AHI1: variants seen among roughly 807,000 people sequenced by gnomAD.
The protein encoded by AHI1 is Abelson helper integration site 1, also known as jouberin.
In AHI1, 123 loss-of-function variants were observed where a neutral mutation model predicts 149.3. That is an observed-to-expected ratio of 0.82 (90% CI 0.71 to 0.96). AHI1 has a LOEUF of 0.96. Among genes scored for constraint, AHI1 ranks in the 40% least tolerant of loss-of-function variants. The pLI, the probability that AHI1 is intolerant of heterozygous loss-of-function variation, is 0.00. For missense variants in AHI1, 1,439 were observed against 1,422.7 expected, an observed-to-expected ratio of 1.01 and a Z score of -0.18; for synonymous variants, 475 against 459.8, an observed-to-expected ratio of 1.03 and a Z score of -0.42.
intron 24 of AHI1, among the ~76,000 whole-genome samples, chr6:135,343,416 C>T (rs902132888): frequency 6.6e-6 from 1 of 151,692 alleles, no homozygotes; most frequent in Non-Finnish European, 1.5e-5. Flanking sequence ...TATGGAAATG[C>T]AAGGGATCTA....
chr6:135,350,857 C>T (rs897938393), intron 24 of AHI1, among the ~76,000 whole-genome samples: 2 of 152,056 alleles, frequency 1.3e-5, no homozygotes, highest in African/African-American at 4.8e-5. Context: ...GCAGATCATG[C>T]AAAGCCCTAT....
intron 6 of AHI1, among the ~76,000 whole-genome samples, chr6:135,466,661 T>C (rs1253387956): frequency 1.3e-5 from 2 of 152,130 alleles, no homozygotes; most frequent in Non-Finnish European, 2.9e-5. Context: ...AAATCTCAAA[T>C]GCTATTTTCC....
At chr6:135,384,198 T>C (rs752592890) in intron 23 of AHI1, among the ~76,000 whole-genome samples, 3 of 152,214 alleles carry the variant, frequency 2.0e-5, no homozygotes, top group Non-Finnish European at 4.4e-5. Flanking sequence ...GGTTTAGTTC[T>C]AAGAACATAG....
rs541390652 is a variant in AHI1 at position 135,472,018 on chromosome 6, CAAAAAAAAAAAAA to C, written c.136-4397_136-4385del. 2.9e-4 allele frequency among the ~76,000 whole-genome samples: 16 copies of C among 54,424 alleles called. No homozygotes were observed. In the South Asian group the frequency reaches 4.4e-3, roughly 15 times the overall value. The allele number at this position is 54,424 out of a possible 152,430, so 35.7% of individuals were successfully genotyped here. A position where few individuals can be genotyped will look rare whatever the true frequency, so the allele number is the denominator to read the frequency against. On this transcript the variant is annotated intron_variant, in intron 5 of 28. Transcript: ENST00000265602. ...TGGGCGACAGAGCGAGACTCCGTCT[CAAAAAAAAAAAAA>C]AAAAAAAAAAAAAAAAAAGATATAG...
At position 135,292,920 on chromosome 6, in the gene AHI1, C is replaced by T. The variant is rs542779761; in HGVS notation, c.3486-2395G>A. Among the ~76,000 whole-genome samples, 8 of 152,210 alleles carry T rather than the reference C, an allele frequency of 5.3e-5. 1 individual carries two copies. In the South Asian group the frequency reaches 1.7e-3, roughly 32 times the overall value. On this transcript the variant is annotated intron_variant, in intron 27 of 28. Transcript: ENST00000265602. ...CATGAAGCCAGCATTATCTCCTCATCAAAATCAGCTTAAGATGTTACAAAA... is the reference window on the plus strand; with the variant it reads ...CATGAAGCCAGCATTATCTCCTCATTAAAATCAGCTTAAGATGTTACAAAA...
Position 135,457,624 on chromosome 6 carries a change from C to A in AHI1, c.1021G>T (p.Asp341Tyr). The A allele has an allele frequency of 6.2e-7, 1 of 1,613,926 alleles. No homozygotes were observed. The highest frequency in any genetic ancestry group is 8.5e-7 in the Non-Finnish European group (1 of 1,179,866). ...ATGTAAACTCCCAAGACAAGGTCAT[C>A]ATCAAGCAAACATTTGGGATAAACC... ...SPVYPKCLLD[D>Y]DLVLGVYIHR... Residue 341 changes from aspartate to tyrosine, a missense_variant, in exon 9 of 29, where the codon GAT (aspartate) becomes TAT (tyrosine). Coordinates refer to ENST00000265602, the MANE Select transcript of AHI1 (RefSeq NM_001134831.2).
In AHI1 at chr6:135,465,931, T is replaced by A. The variant is rs1790675989; in HGVS notation, c.632A>T (p.Lys211Ile). Residue 211 changes from lysine to isoleucine, a missense_variant, in exon 7 of 29, where the codon AAA becomes ATA. Transcript: ENST00000265602. ...AKEIKRKIRKKLKEQLTYFPS... is the reference protein window; with the variant it reads ...AKEIKRKIRKILKEQLTYFPS... Reference sequence around the variant, plus strand: ...AAAGTAAGTCAACTGTTCTTTCAGTTTCTTTCTTATTTTCCTCTTAATCTC... The same window carrying A: ...AAAGTAAGTCAACTGTTCTTTCAGTATCTTTCTTATTTTCCTCTTAATCTC... The A allele has an allele frequency of 6.2e-7, 1 of 1,606,418 alleles. No homozygotes were observed. Among genetic ancestry groups the A allele is most frequent in the African/African-American group, 1.3e-5 (1 of 74,670 alleles).
intron 24 of AHI1, among the ~76,000 whole-genome samples, chr6:135,326,187 C>G (rs914793641): frequency 6.6e-6 from 1 of 152,150 alleles, no homozygotes; most frequent in Admixed American, 6.5e-5. Flanking sequence ...GGTTGAAGTC[C>G]TAGCTCCCAA....
At chr6:135,401,407 T>C (rs912282976) in intron 22 of AHI1, among the ~76,000 whole-genome samples, 7 of 152,156 alleles carry the variant, frequency 4.6e-5, no homozygotes, top group Non-Finnish European at 8.8e-5. Context: ...GCTTAAAGAA[T>C]GCTAATGGAA....
chr6:135,335,848 G>A (rs565800560), intron 24 of AHI1, among the ~76,000 whole-genome samples: 191 of 152,046 alleles, frequency 1.3e-3, no homozygotes, highest in Admixed American at 2.2e-3. Context: ...AAACAGGACC[G>A]GCGTGGTGGC....
intron 5 of AHI1, chr6:135,489,895 C>CAAA (rs879147569): frequency 8.4e-4 from 121 of 143,652 alleles, no homozygotes; most frequent in East Asian, 1.1e-3. Context: ...AAACTCCTGC[C>CAAA]AAAAAAAAAA....
chr6:135,484,716 T>C (rs894026555), intron 5 of AHI1, among the ~76,000 whole-genome samples: 1 of 151,408 alleles, frequency 6.6e-6, no homozygotes, highest in African/African-American at 2.4e-5. Context: ...GCTATGACTA[T>C]AAAAATATTA....
chr6:135,480,236 C>A (rs1420017607), intron 5 of AHI1, among the ~76,000 whole-genome samples: 1 of 152,112 alleles, frequency 6.6e-6, no homozygotes, highest in African/African-American at 2.4e-5. Flanking sequence ...GCAGGAGGAT[C>A]ACATGGACCC....
At chr6:135,352,712 T>TACACAC (rs573886880) in intron 24 of AHI1, among the ~76,000 whole-genome samples, 12 of 145,534 alleles carry the variant, frequency 8.2e-5, no homozygotes, top group Admixed American at 4.8e-4. Flanking sequence ...TATATATATA[T>TACACAC]ACACACACAC....
intron 21 of AHI1, among the ~76,000 whole-genome samples, chr6:135,409,476 T>G (rs988483533): frequency 6.6e-6 from 1 of 152,168 alleles, no homozygotes; most frequent in Admixed American, 6.5e-5. Context: ...GTGAGTGACC[T>G]AAGATATATA....
In AHI1 at chr6:135,318,606, T is replaced by C; in HGVS notation, c.3339A>G (p.Gln1113=). 6.2e-7 allele frequency: 1 copy of C among 1,601,358 alleles called. No homozygotes were observed. Among genetic ancestry groups the C allele is most frequent in the Non-Finnish European group, 8.5e-7 (1 of 1,173,598 alleles). ...ANHVASETLY[Q]ELPPEIKERS... is the part of the protein sequence containing the mutation. ...GCTCCTTTATCTCAGGAGGCAGTTC[T>C]TGATACAGTGCTGAAATTGGAAAAA... is the stretch of plus-strand genomic sequence containing the variant. The change falls in exon 26 of 29, where the codon CAA becomes CAG. Residue 1113 remains glutamine (Q), a synonymous_variant. Transcript: ENST00000265602.
At chr6:135,353,219 T>C (rs898151695) in intron 24 of AHI1, among the ~76,000 whole-genome samples, 2 of 152,136 alleles carry the variant, frequency 1.3e-5, no homozygotes, top group African/African-American at 2.4e-5. Flanking sequence ...TGAATTTCGA[T>C]AGAACTGCTT....
intron 13 of AHI1, among the ~76,000 whole-genome samples, chr6:135,445,212 A>T (rs1012974749): frequency 6.6e-6 from 1 of 152,272 alleles, no homozygotes; most frequent in Non-Finnish European, 1.5e-5. Context: ...ATGAATAAGT[A>T]AGAATAGTAA....
chr6:135,320,240 T>C (rs1269073755), intron 25 of AHI1, among the ~76,000 whole-genome samples: 2 of 152,118 alleles, frequency 1.3e-5, no homozygotes, highest in Non-Finnish European at 2.9e-5. Flanking sequence ...TTTTTGTTTG[T>C]TCTGGTCTAT....
Sources: gnomAD v4.1 joint callset for allele counts (sites outside exome capture counted in the v4.1 genomes callset) on GRCh38, gnomAD v4.1.1 for gene constraint, MANE v1.5 for transcripts, NCBI Gene and HGNC (gene_info 2026-07-23, HGNC 2026-07-21) for gene names.